Variants in NKAIN2 observed in about 807,000 individuals in gnomAD.
NKAIN2 encodes sodium/potassium transporting ATPase interacting 2, also known as sodium/potassium-transporting ATPase subunit beta-1-interacting protein 2.
In NKAIN2, 14 loss-of-function variants were observed where a neutral mutation model predicts 32.6. The observed-to-expected ratio is 0.43, with a 90% CI of 0.28 to 0.67. The LOEUF (loss-of-function observed/expected upper bound fraction) is 0.67. Ranked by LOEUF, NKAIN2 falls within the 30% of genes least tolerant of loss-of-function variation. The pLI is 0.17. For synonymous variants in NKAIN2, 80 were observed against 87.2 expected, an observed-to-expected ratio of 0.92 and a Z score of 0.46; for missense variants, 198 against 258.3, an observed-to-expected ratio of 0.77 and a Z score of 1.60.
intron 1 of NKAIN2, among the ~76,000 whole-genome samples, chr6:124,001,158 T>C (rs910262499): frequency 6.6e-6 from 1 of 152,128 alleles, no homozygotes; most frequent in Non-Finnish European, 1.5e-5. Flanking sequence ...TTATAATCTG[T>C]TTTTATTTTT....
intron 1 of NKAIN2, among the ~76,000 whole-genome samples, chr6:124,129,136 A>G (rs1158633953): frequency 4.6e-5 from 7 of 152,154 alleles, no homozygotes; most frequent in Non-Finnish European, 1.0e-4. Flanking sequence ...TACGTTTTGG[A>G]TTCTTTCACT....
chr6:124,121,941 C>A (rs1486069150), intron 1 of NKAIN2: 5 of 1,196,032 alleles, frequency 4.2e-6, no homozygotes, highest in Non-Finnish European at 4.4e-6. Context: ...ATATCTTAAC[C>A]GTGAGTTTTT....
intron 4 of NKAIN2, among the ~76,000 whole-genome samples, chr6:124,680,510 T>A (rs1773567539): frequency 1.3e-5 from 2 of 152,266 alleles, no homozygotes; most frequent in South Asian, 4.1e-4. Flanking sequence ...GGAACTGGCA[T>A]AAATGTCAGA....
intron 2 of NKAIN2, among the ~76,000 whole-genome samples, chr6:124,337,138 A>G (rs1299896304): frequency 6.6e-6 from 1 of 152,242 alleles, no homozygotes; most frequent in Non-Finnish European, 1.5e-5. Flanking sequence ...TTAATCATTT[A>G]TGATGTACCA....
intron 3 of NKAIN2, among the ~76,000 whole-genome samples, chr6:124,436,535 A>T (rs1204431363): frequency 6.6e-6 from 1 of 152,166 alleles, no homozygotes; most frequent in East Asian, 1.9e-4. Context: ...AGAACATAGA[A>T]ACGTATTTGA....
intron 1 of NKAIN2, among the ~76,000 whole-genome samples, chr6:124,228,711 A>T (rs1427348997): frequency 6.6e-6 from 1 of 152,074 alleles, no homozygotes; most frequent in Admixed American, 6.6e-5. Context: ...AAAGTCTCTT[A>T]CCCATTTCTC....
intron 5 of NKAIN2, among the ~76,000 whole-genome samples, chr6:124,795,715 A>C (rs1779965462): frequency 6.6e-6 from 1 of 152,110 alleles, no homozygotes; most frequent in African/African-American, 2.4e-5. Context: ...TTCCTTGCTC[A>C]TAGGTGATAC....
intron 3 of NKAIN2, among the ~76,000 whole-genome samples, chr6:124,479,193 A>G (rs192148957): frequency 3.6e-4 from 55 of 152,306 alleles, no homozygotes; most frequent in Admixed American, 1.7e-3. Context: ...GGTATCATGG[A>G]TGAGACCCTG....
chr6:124,165,865 C>T, intron 1 of NKAIN2, among the ~76,000 whole-genome samples: 1 of 130,634 alleles, frequency 7.7e-6, no homozygotes, highest in African/African-American at 3.0e-5. Flanking sequence ...TTTATGGCTG[C>T]ATAGTATTCC....
At chr6:124,239,965 T>C (rs901358343) in intron 1 of NKAIN2, among the ~76,000 whole-genome samples, 1 of 152,110 alleles carries the variant, frequency 6.6e-6, no homozygotes, top group African/African-American at 2.4e-5. Context: ...AGCTGGTTTT[T>C]TGAAAGGATT....
At chr6:124,087,543 G>C (rs1262446296) in intron 1 of NKAIN2, among the ~76,000 whole-genome samples, 1 of 151,928 alleles carries the variant, frequency 6.6e-6, no homozygotes, top group Non-Finnish European at 1.5e-5. Context: ...AAAACTTCCT[G>C]GAACTAATTA....
In NKAIN2 at chr6:124,282,509, G is replaced by A. The variant is rs75445559; in HGVS notation, c.55-496G>A. Among the ~76,000 whole-genome samples, 627 of 152,258 alleles carry A rather than the reference G, an allele frequency of 4.1e-3. 33 individuals are homozygous for A. In the East Asian group the frequency reaches 0.11, roughly 27 times the overall value. ...TTGCGTAGGCCACTGCGGCTACTTAGTGGCAGACTCACGTTCAGAAATCTT... is the reference window on the plus strand; with the variant it reads ...TTGCGTAGGCCACTGCGGCTACTTAATGGCAGACTCACGTTCAGAAATCTT... On this transcript the variant is annotated intron_variant, in intron 1 of 6. Transcript: ENST00000368417.
chr6:124,079,940 G>GA (rs113567677), intron 1 of NKAIN2, among the ~76,000 whole-genome samples: 2,613 of 140,832 alleles, frequency 0.019, 73 homozygotes, highest in African/African-American at 0.06. Flanking sequence ...CATTTGGATG[G>GA]AAAAAAAAAA....
intron 1 of NKAIN2, among the ~76,000 whole-genome samples, chr6:123,859,790 A>G (rs957752153): frequency 3.9e-5 from 6 of 152,182 alleles, no homozygotes; most frequent in Non-Finnish European, 8.8e-5. Context: ...TCCCGGGTTC[A>G]AGTGATTCCC....
At chr6:124,631,415 T>G (rs934361902) in intron 3 of NKAIN2, among the ~76,000 whole-genome samples, 2 of 152,208 alleles carry the variant, frequency 1.3e-5, no homozygotes, top group African/African-American at 4.8e-5. Context: ...TCTATTTAAG[T>G]GGTACTGAAT....
intron 3 of NKAIN2, among the ~76,000 whole-genome samples, chr6:124,404,625 T>G (rs1332603228): frequency 6.6e-6 from 1 of 152,106 alleles, no homozygotes; most frequent in East Asian, 1.9e-4. Flanking sequence ...TTAATGATTT[T>G]TTTTTAATGT....
rs542276492 is a variant in NKAIN2 at position 124,726,744 on chromosome 6, C to G, written c.475-64595C>G. The stretch of plus-strand genomic sequence containing the variant: ...TGAGCTGAGAGAAGAAGGCTTCAGA[C>G]GATCAAATTACTCTGAGCTATGGGA... On this transcript the variant is annotated intron_variant, in intron 4 of 6. Transcript: ENST00000368417. Among the ~76,000 whole-genome samples, 712 of 140,622 alleles carry G rather than the reference C, an allele frequency of 5.1e-3. 6 individuals carry two copies. The highest frequency in any genetic ancestry group is 0.017 in the African/African-American group (656 of 37,766). The allele number at this position is 140,622 out of a possible 152,430, so 92.3% of individuals were successfully genotyped here.
intron 4 of NKAIN2, among the ~76,000 whole-genome samples, chr6:124,663,172 A>T (rs1015297658): frequency 2.6e-5 from 4 of 152,176 alleles, no homozygotes; most frequent in Non-Finnish European, 5.9e-5. Flanking sequence ...CACGCCTGTA[A>T]TCCCAGCAGT....
At chr6:123,955,605 A>ATTTTT in intron 1 of NKAIN2, among the ~76,000 whole-genome samples, 1 of 146,624 alleles carries the variant, frequency 6.8e-6, no homozygotes, top group South Asian at 2.2e-4. Context: ...ATTTTATTTT[A>ATTTTT]TTTTATTTTA....
Sources: allele counts gnomAD v4.1 joint callset (sites outside exome capture counted in the v4.1 genomes callset), GRCh38; gene constraint gnomAD v4.1.1; transcripts MANE v1.5; gene names NCBI Gene and HGNC (gene_info 2026-07-23, HGNC 2026-07-21).